Variants in ATP9B observed in about 807,000 individuals in gnomAD.
The protein encoded by ATP9B is ATPase phospholipid transporting 9B.
A neutral mutation model predicts 146.1 loss-of-function variants in ATP9B; 110 were observed. The ratio of observed to expected loss-of-function variants is 0.75; its 90% CI spans 0.65 to 0.88. ATP9B has a LOEUF of 0.88. Among genes scored for constraint, ATP9B ranks in the 40% least tolerant of loss-of-function variants. The pLI is 0.00. For missense variants in ATP9B, 1,499 were observed against 1,496.4 expected (o/e 1.00, Z -0.03); for synonymous variants, 604 against 569.7 (o/e 1.06, Z -0.86).
intron 5 of ATP9B, 96 bp from the exon 6 acceptor site, chr18:79,143,706 T>C: frequency 1.3e-6 from 1 of 759,824 alleles, no homozygotes; most frequent in Non-Finnish European, 2.0e-6. Context: ...TTTTTTTTTC[T>C]GTAGCTTATT....
chr18:79,265,600 C>G (rs1443493045), intron 12 of ATP9B, among the ~76,000 whole-genome samples: 2 of 151,932 alleles, frequency 1.3e-5, no homozygotes, highest in African/African-American at 4.8e-5. Context: ...AAACCTTTGT[C>G]AGATCTGTAG....
intron 7 of ATP9B, among the ~76,000 whole-genome samples, chr18:79,164,599 G>A (rs1387359507): frequency 6.6e-6 from 1 of 152,086 alleles, no homozygotes; most frequent in Non-Finnish European, 1.5e-5. Flanking sequence ...GGCGCCTGTA[G>A]TCCCAGCTAC....
chr18:79,372,873 A>G lies in ATP9B; in HGVS notation c.3061A>G (p.Ile1021Val). Residue 1021 changes from isoleucine (I) to valine (V), a missense_variant, in exon 27 of 30, where the codon ATT (isoleucine) becomes GTT (valine). Transcript: ENST00000426216. ...KTFLIWVLIS[I>V]YQGGILMYGA... Reference sequence around the variant, plus strand: ...CTTCCTCATCTGGGTTTTAATAAGTATTTACCAAGGTAAGACGAGATCCTT... The same window carrying G: ...CTTCCTCATCTGGGTTTTAATAAGTGTTTACCAAGGTAAGACGAGATCCTT... The G allele has an allele frequency of 6.2e-7, 1 of 1,608,260 alleles. No individual in the cohort carries two copies. The highest frequency in any genetic ancestry group is 2.2e-5 in the East Asian group (1 of 44,864).
At chr18:79,341,374 G>T (rs4799039) in intron 19 of ATP9B, among the ~76,000 whole-genome samples, 2 of 108,422 alleles carry the variant, frequency 1.8e-5, no homozygotes, top group African/African-American at 3.5e-5. Context: ...GTTGTGGTTG[G>T]ATGTGTGTAG....
chr18:79,261,802 A>G (rs1213521901), intron 12 of ATP9B, among the ~76,000 whole-genome samples: 1 of 152,144 alleles, frequency 6.6e-6, no homozygotes, highest in African/African-American at 2.4e-5. Context: ...CCCGATATTC[A>G]GGAATGTTTC....
intron 28 of ATP9B, among the ~76,000 whole-genome samples, chr18:79,374,504 C>T (rs368151741): frequency 9.9e-5 from 12 of 120,676 alleles, no homozygotes; most frequent in Admixed American, 1.7e-4. Context: ...TGAGCCCCGT[C>T]GGTCACTGGC....
intron 7 of ATP9B, among the ~76,000 whole-genome samples, chr18:79,169,822 A>G (rs551025047): frequency 6.6e-6 from 1 of 152,302 alleles, no homozygotes; most frequent in East Asian, 1.9e-4. Context: ...AAATGACCAC[A>G]ATCAGAAGTT....
At chr18:79,141,319 C>T (rs190702563) in intron 5 of ATP9B, among the ~76,000 whole-genome samples, 78 of 152,302 alleles carry the variant, frequency 5.1e-4, no homozygotes, top group African/African-American at 1.8e-3. Flanking sequence ...GTTATGCTGA[C>T]CTGTGAGGCA....
intron 11 of ATP9B, among the ~76,000 whole-genome samples, chr18:79,223,335 T>C (rs2095698956): frequency 2.0e-5 from 3 of 152,150 alleles, no homozygotes; most frequent in Admixed American, 2.0e-4. Context: ...ATAAAATAAC[T>C]TATTTTTATC....
intron 18 of ATP9B, 46 bp from the exon 19 acceptor site, chr18:79,337,233 C>A: frequency 6.3e-7 from 1 of 1,593,104 alleles, no homozygotes; most frequent in Non-Finnish European, 8.5e-7. Context: ...AGTCCACACA[C>A]AGCACGTACA....
intron 9 of ATP9B, among the ~76,000 whole-genome samples, chr18:79,200,467 A>C (rs1191570851): frequency 6.6e-6 from 1 of 152,178 alleles, no homozygotes; most frequent in Non-Finnish European, 1.5e-5. Context: ...CATGAAGTTG[A>C]CCCCATTGAT....
chr18:79,350,328 A>G (rs1484117140), intron 25 of ATP9B, among the ~76,000 whole-genome samples: 1 of 152,254 alleles, frequency 6.6e-6, no homozygotes, highest in African/African-American at 2.4e-5. Context: ...TCTTCGCACA[A>G]GTGCCTCTGT....
chr18:79,309,750 G>A (rs1349237646), intron 15 of ATP9B, among the ~76,000 whole-genome samples: 4 of 152,128 alleles, frequency 2.6e-5, no homozygotes, highest in African/African-American at 7.2e-5. Context: ...ATAGATTATC[G>A]TGTTGGTTAC....
chr18:79,346,413 CTTGG>C (rs2096887970), intron 23 of ATP9B, among the ~76,000 whole-genome samples: 1 of 152,010 alleles, frequency 6.6e-6, no homozygotes, highest in African/African-American at 2.4e-5. Flanking sequence ...TTGGCACACA[CTTGG>C]TCAGCGCACG....
chr18:79,289,362 A>C (rs1459471136), intron 13 of ATP9B, among the ~76,000 whole-genome samples: 1 of 151,844 alleles, frequency 6.6e-6, no homozygotes, highest in African/African-American at 2.4e-5. Context: ...CATTTCATTC[A>C]TTTCATCTTC....
intron 11 of ATP9B, among the ~76,000 whole-genome samples, chr18:79,228,053 C>T: frequency 6.6e-6 from 1 of 152,236 alleles, no homozygotes; most frequent in East Asian, 1.9e-4. Context: ...TAACTGAACA[C>T]ATGAATTCAT....
intron 11 of ATP9B, among the ~76,000 whole-genome samples, chr18:79,240,562 A>G (rs576240360): frequency 1.7e-3 from 252 of 152,326 alleles, no homozygotes; most frequent in African/African-American, 5.9e-3. Context: ...TCTGACCAAC[A>G]TGGACAAACC....
chr18:79,235,432 T>C (rs1204737568), intron 11 of ATP9B, among the ~76,000 whole-genome samples: 1 of 152,240 alleles, frequency 6.6e-6, no homozygotes, highest in African/African-American at 2.4e-5. Flanking sequence ...TTGTTTTCTG[T>C]GACACTTTTT....
intron 5 of ATP9B, among the ~76,000 whole-genome samples, chr18:79,137,931 A>C (rs1167450920): frequency 1.3e-5 from 2 of 152,338 alleles, no homozygotes; most frequent in Non-Finnish European, 2.9e-5. Context: ...AATGTAGCAC[A>C]GGTGCCTGCA....
Sources: allele counts gnomAD v4.1 joint callset (sites outside exome capture counted in the v4.1 genomes callset), GRCh38; gene constraint gnomAD v4.1.1; transcripts MANE v1.5; gene names NCBI Gene and HGNC (gene_info 2026-07-23, HGNC 2026-07-21).